The following TRERF1 variants were observed in gnomAD, a reference collection of about 807,000 sequenced individuals.
The protein encoded by TRERF1 is transcriptional regulating factor 1.
Under a neutral mutation model 122.9 loss-of-function variants are expected in TRERF1, and 27 were observed. The observed-to-expected ratio is 0.22, with a 90% CI of 0.16 to 0.30. TRERF1 has a LOEUF of 0.30. Among genes scored for constraint, TRERF1 ranks in the 10% least tolerant of loss-of-function variants. The pLI, the probability that TRERF1 is intolerant of heterozygous loss-of-function variation, is 1.00. For missense variants in TRERF1, 1,248 were observed against 1,560.3 expected (o/e 0.80, Z 3.37); for synonymous variants, 636 against 641.7 (o/e 0.99, Z 0.13).
At chr6:42,413,429 T>A (rs1486629779) in intron 2 of TRERF1, among the ~76,000 whole-genome samples, 1 of 47,568 alleles carries the variant, frequency 2.1e-5, no homozygotes, top group Admixed American at 1.7e-4. Context: ...AGAATCTGCA[T>A]TTTTTTTTTT....
Position 42,302,245 on chromosome 6 carries a change from T to C in TRERF1, c.-370-1496A>G, listed in dbSNP as rs574545811. On this transcript the variant is annotated intron_variant, in intron 3 of 17. Transcript: ENST00000372922. ...CCTACTATTTAATGCTATAAAATGA[T>C]TTTTTTTTAAATGAGAAATCCTTTG... 3.4e-5 allele frequency among the ~76,000 whole-genome samples: 5 copies of C among 148,364 alleles called. No homozygotes were observed. The South Asian group carries it at 6.3e-4, about 19-fold the overall frequency.
chr6:42,306,558 T>C (rs1401956603), intron 3 of TRERF1, among the ~76,000 whole-genome samples: 2 of 152,218 alleles, frequency 1.3e-5, no homozygotes, highest in Non-Finnish European at 2.9e-5. Context: ...GGCTACCATC[T>C]GCTCCCCAGC....
intron 2 of TRERF1, among the ~76,000 whole-genome samples, chr6:42,419,475 C>A (rs183667097): frequency 2.0e-5 from 3 of 152,084 alleles, no homozygotes; most frequent in Non-Finnish European, 2.9e-5. Context: ...ACAAAATTAA[C>A]CCTCCTACCC....
chr6:42,354,652 T>G (rs982113200), intron 3 of TRERF1, among the ~76,000 whole-genome samples: 1 of 152,232 alleles, frequency 6.6e-6, no homozygotes, highest in African/African-American at 2.4e-5. Context: ...GCTTTATGAT[T>G]TATTAAATTA....
At chr6:42,326,471 G>T (rs1764316433) in intron 3 of TRERF1, among the ~76,000 whole-genome samples, 1 of 152,214 alleles carries the variant, frequency 6.6e-6, no homozygotes, top group African/African-American at 2.4e-5. Context: ...ATTAGACACA[G>T]GAAACAAAAC....
At chr6:42,360,692 A>ACAGCCTGGTGCAGGAGC (rs1771540596) in intron 3 of TRERF1, among the ~76,000 whole-genome samples, 1 of 138,874 alleles carries the variant, frequency 7.2e-6, no homozygotes, top group Non-Finnish European at 1.5e-5. Flanking sequence ...CAGCCTCCCC[A>ACAGCCTGGTGCAGGAGC]CAGCCTGGTG....
intron 3 of TRERF1, among the ~76,000 whole-genome samples, chr6:42,358,788 T>A: frequency 6.6e-6 from 1 of 150,666 alleles, no homozygotes; most frequent in East Asian, 1.9e-4. Context: ...TAAAGCTTTT[T>A]TTTTTTTTTT....
intron 5 of TRERF1, 144 bp from the exon 6 acceptor site, chr6:42,265,941 ACTCACTCC>A: frequency 1.2e-6 from 1 of 805,452 alleles, no homozygotes; most frequent in Non-Finnish European, 2.0e-6. Flanking sequence ...ATTCATGTCC[ACTCACTCC>A]CTCACTCTTC....
chr6:42,439,855 T>C (rs941646172), intron 2 of TRERF1, among the ~76,000 whole-genome samples: 1 of 152,244 alleles, frequency 6.6e-6, no homozygotes, highest in Non-Finnish European at 1.5e-5. Flanking sequence ...CCAGACAGTA[T>C]GTCCTGTGAA....
At chr6:42,341,251 C>T (rs1767247445) in intron 3 of TRERF1, among the ~76,000 whole-genome samples, 1 of 152,172 alleles carries the variant, frequency 6.6e-6, no homozygotes. Context: ...TAATACCTGC[C>T]CTGCAAGGGT....
chr6:42,323,354 A>G (rs557106009), intron 3 of TRERF1, among the ~76,000 whole-genome samples: 46 of 151,942 alleles, frequency 3.0e-4, no homozygotes, highest in African/African-American at 1.1e-3. Context: ...ATGCACCACC[A>G]CGCCCGGCTA....
At chr6:42,285,755 C>A (rs924943887) in intron 4 of TRERF1, among the ~76,000 whole-genome samples, 2 of 152,084 alleles carry the variant, frequency 1.3e-5, no homozygotes, top group Non-Finnish European at 2.9e-5. Context: ...CCCCATCAAG[C>A]TACCAATGAC....
At chr6:42,427,781 C>T (rs1429254233) in intron 2 of TRERF1, among the ~76,000 whole-genome samples, 1 of 152,028 alleles carries the variant, frequency 6.6e-6, no homozygotes, top group Non-Finnish European at 1.5e-5. Context: ...AACTCCTAGG[C>T]TCAAATGATC....
At chr6:42,413,428 A>ATTTTT (rs5875802) in intron 2 of TRERF1, among the ~76,000 whole-genome samples, 2 of 119,058 alleles carry the variant, frequency 1.7e-5, no homozygotes, top group Admixed American at 8.6e-5. Flanking sequence ...CAGAATCTGC[A>ATTTTT]TTTTTTTTTT....
chr6:42,427,033 A>C (rs772209069), intron 2 of TRERF1, among the ~76,000 whole-genome samples: 9 of 151,896 alleles, frequency 5.9e-5, no homozygotes, highest in Admixed American at 3.3e-4. Flanking sequence ...CACGCCTATA[A>C]TCCTATAATC....
intron 3 of TRERF1, among the ~76,000 whole-genome samples, chr6:42,327,924 T>C (rs375223353): frequency 2.0e-5 from 3 of 151,872 alleles, no homozygotes; most frequent in Admixed American, 6.6e-5. Flanking sequence ...GAGGAAGTGG[T>C]AGTTTTGTAA....
At chr6:42,374,114 A>T (rs1774324413) in intron 2 of TRERF1, among the ~76,000 whole-genome samples, 1 of 150,394 alleles carries the variant, frequency 6.6e-6, no homozygotes, top group South Asian at 2.1e-4. Flanking sequence ...GCCTGGCAAC[A>T]AAGTGAGACT....
intron 4 of TRERF1, among the ~76,000 whole-genome samples, chr6:42,282,792 A>C (rs1459744696): frequency 6.6e-6 from 1 of 152,214 alleles, no homozygotes; most frequent in Non-Finnish European, 1.5e-5. Context: ...AGTCTCTATG[A>C]TCACTGAATT....
At chr6:42,409,406 G>T (rs1326111722) in intron 2 of TRERF1, among the ~76,000 whole-genome samples, 3 of 152,126 alleles carry the variant, frequency 2.0e-5, no homozygotes. Flanking sequence ...TTTGCTTAGA[G>T]AAGTCTTGCT....
Sources: gnomAD v4.1 joint callset for allele counts (sites outside exome capture counted in the v4.1 genomes callset) on GRCh38, gnomAD v4.1.1 for gene constraint, MANE v1.5 for transcripts, NCBI Gene and HGNC (gene_info 2026-07-23, HGNC 2026-07-21) for gene names.